The following CNTN5 variants were observed in gnomAD, a reference collection of about 807,000 sequenced individuals.
CNTN5 encodes contactin 5.
CNTN5 carries 77 observed loss-of-function variants against 129.1 expected under a neutral mutation model. The observed-to-expected ratio is 0.60, with a 90% CI of 0.50 to 0.72. The LOEUF is 0.72. Among genes scored for constraint, CNTN5 ranks in the 30% least tolerant of loss-of-function variants. The pLI, the probability that CNTN5 is intolerant of heterozygous loss-of-function variation, is 0.00. For missense variants in CNTN5, 1,478 were observed against 1,328.8 expected (o/e 1.11, Z -1.75); for synonymous variants, 509 against 465.6 (o/e 1.09, Z -1.20).
intron 1 of CNTN5, among the ~76,000 whole-genome samples, chr11:99,236,170 C>T (rs1176197889): frequency 6.6e-6 from 1 of 152,062 alleles, no homozygotes; most frequent in Non-Finnish European, 1.5e-5. Flanking sequence ...GTATACCACT[C>T]ATAATTGAGA....
chr11:100,129,494 A>G (rs557859336), intron 13 of CNTN5, among the ~76,000 whole-genome samples: 33 of 152,258 alleles, frequency 2.2e-4, no homozygotes, highest in African/African-American at 7.7e-4. Flanking sequence ...GATTGCAATC[A>G]CAGATAAAAC....
At chr11:99,999,770 A>G (rs1424269595) in intron 8 of CNTN5, among the ~76,000 whole-genome samples, 1 of 152,082 alleles carries the variant, frequency 6.6e-6, no homozygotes, top group Non-Finnish European at 1.5e-5. Context: ...ATGTCCAACA[A>G]TGATAGACTG....
chr11:99,737,429 TAAG>T (rs1279783593), intron 3 of CNTN5, among the ~76,000 whole-genome samples: 4 of 152,276 alleles, frequency 2.6e-5, no homozygotes, highest in Admixed American at 6.5e-5. Flanking sequence ...ACCAGTGAAT[TAAG>T]AAGATTAGAA....
intron 13 of CNTN5, among the ~76,000 whole-genome samples, chr11:100,185,887 T>C (rs1948287965): frequency 6.6e-6 from 1 of 152,218 alleles, no homozygotes; most frequent in Non-Finnish European, 1.5e-5. Flanking sequence ...GATTTTGGAC[T>C]GTCCAGTCTT....
At chr11:99,543,432 C>T (rs1202705112) in intron 2 of CNTN5, among the ~76,000 whole-genome samples, 1 of 152,074 alleles carries the variant, frequency 6.6e-6, no homozygotes, top group African/African-American at 2.4e-5. Flanking sequence ...GCTTTGCTGA[C>T]CATCACATTT....
chr11:99,084,310 T>C (rs143796006), intron 1 of CNTN5, among the ~76,000 whole-genome samples: 4 of 152,348 alleles, frequency 2.6e-5, no homozygotes, highest in African/African-American at 9.6e-5. Context: ...TGTTTCTCTG[T>C]GCTCTGCACT....
At chr11:100,157,617 C>T (rs552621632) in intron 13 of CNTN5, among the ~76,000 whole-genome samples, 4 of 151,218 alleles carry the variant, frequency 2.6e-5, no homozygotes, top group Admixed American at 6.6e-5. Context: ...TATGAAAGTG[C>T]GAAAGTTGAA....
At chr11:99,738,854 G>A (rs189687836) in intron 3 of CNTN5, among the ~76,000 whole-genome samples, 1 of 152,140 alleles carries the variant, frequency 6.6e-6, no homozygotes, top group Non-Finnish European at 1.5e-5. Flanking sequence ...AAAAATGTAT[G>A]TCAAAAGTTT....
At chr11:99,965,085 A>C (rs906801748) in intron 8 of CNTN5, among the ~76,000 whole-genome samples, 3 of 151,906 alleles carry the variant, frequency 2.0e-5, no homozygotes, top group African/African-American at 7.3e-5. Context: ...CGGTCTATTA[A>C]TTTTGTTGAT....
intron 21 of CNTN5, among the ~76,000 whole-genome samples, chr11:100,337,869 G>T (rs986588531): frequency 1.3e-5 from 2 of 152,160 alleles, no homozygotes; most frequent in Non-Finnish European, 2.9e-5. Flanking sequence ...AAATAAGCTT[G>T]TTTCATACTA....
At chr11:100,128,944 T>A (rs543762820) in intron 13 of CNTN5, among the ~76,000 whole-genome samples, 1 of 152,272 alleles carries the variant, frequency 6.6e-6, no homozygotes, top group African/African-American at 2.4e-5. Flanking sequence ...TGTTCTGCAA[T>A]TATACATTAT....
At chr11:99,064,438 A>T (rs1166890022) in intron 1 of CNTN5, among the ~76,000 whole-genome samples, 1 of 150,122 alleles carries the variant, frequency 6.7e-6, no homozygotes, top group African/African-American at 2.5e-5. Context: ...ACTAAAGAAA[A>T]GATTTTCATT....
chr11:99,596,161 C>T (rs530686826), intron 3 of CNTN5, among the ~76,000 whole-genome samples: 3 of 152,194 alleles, frequency 2.0e-5, no homozygotes, highest in East Asian at 3.9e-4. Context: ...AAGACCATTA[C>T]TAAATTTTGG....
intron 3 of CNTN5, among the ~76,000 whole-genome samples, chr11:99,753,053 G>C (rs911252421): frequency 2.1e-5 from 3 of 146,074 alleles, no homozygotes; most frequent in Admixed American, 2.1e-4. Flanking sequence ...TCAACAATAT[G>C]TAACAATTGA....
intron 2 of CNTN5, among the ~76,000 whole-genome samples, chr11:99,418,092 T>G (rs1371833791): frequency 6.6e-6 from 1 of 152,158 alleles, no homozygotes; most frequent in Non-Finnish European, 1.5e-5. Flanking sequence ...CTGGTTACAA[T>G]ACTGCTAGAA....
In CNTN5 at chr11:100,341,223, CTT is replaced by C. The variant is rs778948232; in HGVS notation, c.3030+21_3030+22del. 1 of 1,529,230 alleles carries C rather than the reference CTT, an allele frequency of 6.5e-7. No individual in the cohort carries two copies. Among genetic ancestry groups the C allele is most frequent in the Non-Finnish European group, 9.1e-7 (1 of 1,102,910 alleles). 94.7% of individuals were successfully genotyped at this position (1,529,230 alleles called of 1,614,324 possible). A position where few individuals can be genotyped will look rare whatever the true frequency, so the allele number is the denominator to read the frequency against. ...GTTACAAGGTCAGTATTTCTTCACTCTTTTGCATAGATACTCATCTCCGAAAT... is the reference window on the plus strand; with the variant it reads ...GTTACAAGGTCAGTATTTCTTCACTCTTGCATAGATACTCATCTCCGAAAT... On this transcript the variant is annotated intron_variant, in intron 23 of 24. Coordinates refer to ENST00000524871, the MANE Select transcript of CNTN5 (RefSeq NM_014361.4).
intron 3 of CNTN5, among the ~76,000 whole-genome samples, chr11:99,732,936 T>G (rs1943581513): frequency 6.7e-6 from 1 of 149,626 alleles, no homozygotes. Flanking sequence ...ATTGACATCT[T>G]TGATTGGTGT....
chr11:99,255,079 G>T (rs1338133447), intron 1 of CNTN5, among the ~76,000 whole-genome samples: 1 of 151,828 alleles, frequency 6.6e-6, no homozygotes, highest in African/African-American at 2.4e-5. Context: ...TATTTGTCAA[G>T]AAACTATTTC....
chr11:99,074,186 G>A (rs1865463716), intron 1 of CNTN5, among the ~76,000 whole-genome samples: 1 of 152,172 alleles, frequency 6.6e-6, no homozygotes, highest in Non-Finnish European at 1.5e-5. Context: ...CTTTTGAGAA[G>A]TGTCTGTTCA....
Sources: gnomAD v4.1 joint callset for allele counts (sites outside exome capture counted in the v4.1 genomes callset) on GRCh38, gnomAD v4.1.1 for gene constraint, MANE v1.5 for transcripts, NCBI Gene and HGNC (gene_info 2026-07-23, HGNC 2026-07-21) for gene names.